ASIC2: variants seen among roughly 807,000 people sequenced by gnomAD.
The protein encoded by ASIC2 is acid sensing ion channel subunit 2, also known as acid-sensing ion channel 2.
Under a neutral mutation model 57.3 loss-of-function variants are expected in ASIC2, and 25 were observed. The observed-to-expected ratio is 0.44, with a 90% confidence interval of 0.32 to 0.61. The LOEUF is 0.61. Among genes scored for constraint, ASIC2 ranks in the 20% least tolerant of loss-of-function variants. The pLI is 0.06. For missense variants in ASIC2, 641 were observed against 738.1 expected (o/e 0.87, Z 1.52); for synonymous variants, 319 against 307.5 (o/e 1.04, Z -0.39).
chr17:33,613,757 C>T (rs977336084), intron 1 of ASIC2, among the ~76,000 whole-genome samples: 2 of 152,168 alleles, frequency 1.3e-5, no homozygotes, highest in African/African-American at 4.8e-5. Flanking sequence ...CTTAATAAGA[C>T]AGCATCAAGG....
At chr17:33,912,833 G>A (rs1337214766) in intron 1 of ASIC2, among the ~76,000 whole-genome samples, 1 of 151,992 alleles carries the variant, frequency 6.6e-6, no homozygotes. Context: ...TGCAAAATTA[G>A]CGGGGCGTGG....
intron 1 of ASIC2, among the ~76,000 whole-genome samples, chr17:33,839,523 G>A (rs939247124): frequency 1.3e-5 from 2 of 152,142 alleles, no homozygotes; most frequent in Non-Finnish European, 1.5e-5. Context: ...TAATTCTGGG[G>A]CTGGGACTCT....
intron 1 of ASIC2, among the ~76,000 whole-genome samples, chr17:33,592,156 C>T (rs191041188): frequency 1.4e-3 from 207 of 152,288 alleles, no homozygotes; most frequent in African/African-American, 4.2e-3. Context: ...GAGGGCCCCT[C>T]CTCATGGAAC....
intron 1 of ASIC2, among the ~76,000 whole-genome samples, chr17:33,487,540 T>A (rs1913613092): frequency 6.6e-6 from 1 of 152,234 alleles, no homozygotes; most frequent in South Asian, 2.1e-4. Context: ...CAGCAGCTCC[T>A]ATAGGTTTGT....
chr17:33,347,097 G>A (rs1907978807), intron 1 of ASIC2, among the ~76,000 whole-genome samples: 1 of 152,190 alleles, frequency 6.6e-6, no homozygotes, highest in Non-Finnish European at 1.5e-5. Flanking sequence ...AATGGACGGT[G>A]AGTGGGAGGT....
intron 1 of ASIC2, among the ~76,000 whole-genome samples, chr17:33,188,654 A>T (rs1405974599): frequency 2.0e-5 from 3 of 152,196 alleles, no homozygotes; most frequent in South Asian, 2.1e-4. Flanking sequence ...GTGGAGTGAT[A>T]GCTTTAAAGT....
At chr17:33,139,505 C>G (rs1207013210) in intron 1 of ASIC2, among the ~76,000 whole-genome samples, 1 of 152,226 alleles carries the variant, frequency 6.6e-6, no homozygotes, top group Non-Finnish European at 1.5e-5. Flanking sequence ...CACAGCCCCC[C>G]ACAACCCTTT....
chr17:33,123,133 CT>C (rs2092309591), intron 1 of ASIC2, among the ~76,000 whole-genome samples: 1 of 152,304 alleles, frequency 6.6e-6, no homozygotes, highest in East Asian at 1.9e-4. Flanking sequence ...AGTAATCCCA[CT>C]TTTGGGTTTA....
At chr17:33,677,709 A>G (rs1288553453) in intron 1 of ASIC2, among the ~76,000 whole-genome samples, 1 of 152,244 alleles carries the variant, frequency 6.6e-6, no homozygotes. Context: ...GAGCCTGAAG[A>G]TGTGACTGAA....
chr17:33,017,434 C>T (rs544945292), intron 8 of ASIC2, among the ~76,000 whole-genome samples, 171 bp downstream of exon 8: 1 of 152,316 alleles, frequency 6.6e-6, no homozygotes, highest in South Asian at 2.1e-4. Flanking sequence ...CCTCCCATCC[C>T]CTTGCCCCAC....
intron 1 of ASIC2, among the ~76,000 whole-genome samples, chr17:33,758,566 T>C (rs1910683613): frequency 6.6e-6 from 1 of 151,998 alleles, no homozygotes; most frequent in South Asian, 2.1e-4. Flanking sequence ...TAACAGGTGA[T>C]TGAACAACAA....
In ASIC2 at chr17:33,499,429, T is replaced by C. The variant is rs1011443209; in HGVS notation, c.556-387362A>G. Among the ~76,000 whole-genome samples, 93 of 152,156 alleles carry C rather than the reference T, an allele frequency of 6.1e-4. 1 individual carries two copies. Among genetic ancestry groups the C allele is most frequent in the African/African-American group, 2.1e-3 (88 of 41,416 alleles). On this transcript the variant is annotated intron_variant, in intron 1 of 9. Coordinates refer to the ASIC2 transcript ENST00000359872. ...TGATGAAAGAACACCATGTGAGATATAGACTCACAAACACAGGGAGAAGGC... is the reference window on the plus strand; with the variant it reads ...TGATGAAAGAACACCATGTGAGATACAGACTCACAAACACAGGGAGAAGGC...
intron 1 of ASIC2, among the ~76,000 whole-genome samples, chr17:33,239,765 T>A (rs1456185970): frequency 1.3e-5 from 2 of 152,176 alleles, no homozygotes; most frequent in Admixed American, 1.3e-4. Flanking sequence ...CATCCCAAAT[T>A]CAAATATTGG....
chr17:33,912,433 G>A (rs1299351882), intron 1 of ASIC2, among the ~76,000 whole-genome samples: 4 of 149,812 alleles, frequency 2.7e-5, no homozygotes, highest in East Asian at 4.0e-4. Flanking sequence ...AGTGAGCTGA[G>A]ATGGCGCCAC....
intron 1 of ASIC2, among the ~76,000 whole-genome samples, chr17:33,981,670 A>AGAAG (rs759908001): frequency 6.7e-6 from 1 of 150,194 alleles, no homozygotes; most frequent in East Asian, 2.0e-4. Flanking sequence ...AGGAGAAGAA[A>AGAAG]GAAGGAAGGA....
chr17:34,090,958 G>A (rs753851248), intron 1 of ASIC2, among the ~76,000 whole-genome samples: 22 of 152,250 alleles, frequency 1.4e-4, no homozygotes, highest in Non-Finnish European at 2.9e-4. Context: ...TGGGTGACAT[G>A]TAAATACTGG....
At chr17:33,853,434 C>T (rs1437537975) in intron 1 of ASIC2, among the ~76,000 whole-genome samples, 1 of 152,190 alleles carries the variant, frequency 6.6e-6, no homozygotes, top group Non-Finnish European at 1.5e-5. Flanking sequence ...TTGGAGACAA[C>T]AGGGCCAAAG....
chr17:33,102,841 T>C (rs1425730713), intron 2 of ASIC2, among the ~76,000 whole-genome samples: 1 of 152,228 alleles, frequency 6.6e-6, no homozygotes, highest in Non-Finnish European at 1.5e-5. Flanking sequence ...TGGAGTGCAA[T>C]GGCATGATCT....
intron 1 of ASIC2, among the ~76,000 whole-genome samples, chr17:33,217,583 C>T (rs1907543798): frequency 6.6e-6 from 1 of 152,158 alleles, no homozygotes; most frequent in Non-Finnish European, 1.5e-5. Flanking sequence ...CCACCACTCC[C>T]CCGGAGTAGC....
Sources: gnomAD v4.1 joint callset for allele counts (sites outside exome capture counted in the v4.1 genomes callset) on GRCh38, gnomAD v4.1.1 for gene constraint, MANE v1.5 for transcripts, NCBI Gene and HGNC (gene_info 2026-07-23, HGNC 2026-07-21) for gene names.